SCFD1: variants seen among roughly 807,000 people sequenced by gnomAD.
SCFD1 encodes the protein sec1 family domain containing 1.
Under a neutral mutation model 103.2 loss-of-function variants are expected in SCFD1, and 37 were observed. That is an observed-to-expected ratio of 0.36 (90% CI 0.28 to 0.47). The LOEUF (loss-of-function observed/expected upper bound fraction) is 0.47. Ranked by LOEUF, SCFD1 falls within the 20% of genes least tolerant of loss-of-function variation. The probability of loss-of-function intolerance (pLI) is 1.00; values close to 1 mark genes in which losing one functional copy is unlikely to be tolerated. For synonymous variants in SCFD1, 264 were observed against 245.0 expected (o/e 1.08, Z -0.73); for missense variants, 639 against 761.2 (o/e 0.84, Z 1.89).
chr14:30,708,612 T>C (rs1332657905), intron 19 of SCFD1, among the ~76,000 whole-genome samples: 2 of 152,220 alleles, frequency 1.3e-5, no homozygotes, highest in Non-Finnish European at 2.9e-5. Context: ...AGTACGTTAA[T>C]TGAAAGAATG....
chr14:30,700,137 A>G lies in SCFD1; in HGVS notation c.1340-51A>G, dbSNP rs754521160. ...AACATACTTGTGTTGACTATAATAC[A>G]TAATAACCACAATTATGAAAATATT... On this transcript the variant is annotated intron_variant, in intron 15 of 24. Coordinates refer to ENST00000458591, the MANE Select transcript of SCFD1 (RefSeq NM_016106.4). 6.8e-6 allele frequency: 9 copies of G among 1,328,806 alleles called. No homozygotes were observed. In the Admixed American group the frequency reaches 7.0e-5, roughly 10 times the overall value. 82.3% of individuals were successfully genotyped at this position (1,328,806 alleles called of 1,614,324 possible). A position where few individuals can be genotyped will look rare whatever the true frequency, so the allele number is the denominator to read the frequency against.
intron 15 of SCFD1, among the ~76,000 whole-genome samples, chr14:30,695,769 G>A (rs112255948): frequency 3.0e-4 from 45 of 152,250 alleles, no homozygotes; most frequent in Non-Finnish European, 6.0e-4. Context: ...CTACTTGGGA[G>A]ACTGAGGTGG....
chr14:30,622,314 C>G, upstream of SCFD1: 1 of 1,592,742 alleles, frequency 6.3e-7, no homozygotes, highest in South Asian at 1.1e-5. Context: ...GCTCCCCAGC[C>G]GGGCAGTGGC....
intron 16 of SCFD1, 93 bp downstream of exon 16, chr14:30,700,351 G>A: frequency 3.5e-6 from 3 of 860,606 alleles, no homozygotes; most frequent in East Asian, 2.5e-5. Context: ...AAATCACTGT[G>A]GCTAAATATC....
intron 18 of SCFD1, among the ~76,000 whole-genome samples, chr14:30,706,448 A>G (rs1348274661): frequency 3.3e-5 from 5 of 152,072 alleles, no homozygotes; most frequent in Admixed American, 3.3e-4. Flanking sequence ...TACAACAAAT[A>G]TTGTCTTCTC....
At chr14:30,668,186 G>A (rs1193797053) in intron 10 of SCFD1, among the ~76,000 whole-genome samples, 1 of 152,122 alleles carries the variant, frequency 6.6e-6, no homozygotes. Context: ...GCATGGTACT[G>A]GTACCAAAAC....
At chr14:30,720,661 AGTTC>A (rs1892592690) in intron 21 of SCFD1, among the ~76,000 whole-genome samples, 1 of 152,164 alleles carries the variant, frequency 6.6e-6, no homozygotes, top group Admixed American at 6.5e-5. Context: ...TAAACTATAT[AGTTC>A]GTAATACTGT....
chr14:30,630,606 G>T, intron 3 of SCFD1, 41 bp downstream of exon 3: 1 of 1,184,482 alleles, frequency 8.4e-7, no homozygotes, highest in Non-Finnish European at 1.3e-6. Context: ...TTCATTTAAA[G>T]AACATTTATA....
At chr14:30,703,936 TATATATATATATATATATATATATATAA>T (rs749337211) in intron 17 of SCFD1, among the ~76,000 whole-genome samples, 6,252 of 71,118 alleles carry the variant, frequency 0.088, 499 homozygotes, top group East Asian at 0.35. Flanking sequence ...TATATATATA[TATATATATATATATATATATATATATAA>T]ATAATGAGAT....
At chr14:30,703,356 A>T (rs1891205549) in intron 17 of SCFD1, among the ~76,000 whole-genome samples, 1 of 149,664 alleles carries the variant, frequency 6.7e-6, no homozygotes, top group Non-Finnish European at 1.5e-5. Context: ...CATTTTTTAC[A>T]GTTATGATCC....
chr14:30,724,744 T>A (rs1375175415), intron 23 of SCFD1, among the ~76,000 whole-genome samples: 2 of 152,236 alleles, frequency 1.3e-5, no homozygotes, highest in Non-Finnish European at 2.9e-5. Context: ...GGTATCTTTG[T>A]CATGAAATCT....
chr14:30,669,981 G>A (rs1594660348), intron 10 of SCFD1: 1 of 273,596 alleles, frequency 3.7e-6, no homozygotes, highest in Non-Finnish European at 6.8e-6. Flanking sequence ...AAGAGGATGT[G>A]TATGTGCTAT....
intron 10 of SCFD1, among the ~76,000 whole-genome samples, chr14:30,658,735 A>G (rs1887152252): frequency 1.3e-5 from 2 of 152,326 alleles, no homozygotes; most frequent in Non-Finnish European, 2.9e-5. Context: ...TAAGAGAAGC[A>G]CTTCAGGAAC....
At chr14:30,671,287 T>G (rs1888517514) in intron 11 of SCFD1, among the ~76,000 whole-genome samples, 1 of 152,114 alleles carries the variant, frequency 6.6e-6, no homozygotes, top group Admixed American at 6.6e-5. Context: ...AAAGTCACTG[T>G]CTTTCTCTTT....
chr14:30,662,158 T>C (rs1457173325), intron 10 of SCFD1, among the ~76,000 whole-genome samples: 2 of 152,192 alleles, frequency 1.3e-5, no homozygotes, highest in Non-Finnish European at 2.9e-5. Flanking sequence ...ACATTTTCTT[T>C]ATCATTTCTT....
intron 20 of SCFD1, among the ~76,000 whole-genome samples, chr14:30,718,173 A>G (rs73254562): frequency 0.085 from 12,971 of 152,230 alleles, 1,177 homozygotes; most frequent in African/African-American, 0.23. Context: ...TAACAGTGGA[A>G]GAGAGGCAAC....
intron 1 of SCFD1, 102 bp from the exon 2 acceptor site, chr14:30,628,107 G>C: frequency 2.8e-6 from 2 of 721,376 alleles, no homozygotes; most frequent in Admixed American, 2.4e-5. Flanking sequence ...AGTTTTACTA[G>C]AGTTGATTAG....
At chr14:30,668,598 C>G (rs1453219782) in intron 10 of SCFD1, among the ~76,000 whole-genome samples, 1 of 152,122 alleles carries the variant, frequency 6.6e-6, no homozygotes, top group Non-Finnish European at 1.5e-5. Context: ...AAACTACCAT[C>G]GGAGTGAACA....
intron 1 of SCFD1, among the ~76,000 whole-genome samples, chr14:30,626,537 G>A (rs150363522): frequency 6.6e-6 from 1 of 152,282 alleles, no homozygotes; most frequent in African/African-American, 2.4e-5. Context: ...CCAGGTGGAG[G>A]TTGTTAGGGA....
Sources: allele counts gnomAD v4.1 joint callset (sites outside exome capture counted in the v4.1 genomes callset), GRCh38; gene constraint gnomAD v4.1.1; transcripts MANE v1.5; gene names NCBI Gene and HGNC (gene_info 2026-07-23, HGNC 2026-07-21).